The following CNTN1 variants were observed in gnomAD, a reference collection of about 807,000 sequenced individuals.
CNTN1 encodes the protein contactin-1.
In CNTN1, 38 loss-of-function variants were observed where a neutral mutation model predicts 126.4. That is an observed-to-expected ratio of 0.30 (90% CI 0.23 to 0.39). The LOEUF is 0.39. CNTN1 is among the 10% of genes least tolerant of loss of function. CNTN1 has a pLI of 1.00. For synonymous variants in CNTN1, 413 were observed against 422.6 expected (o/e 0.98, Z 0.28); for missense variants, 1,009 against 1,248.4 (o/e 0.81, Z 2.89).
At chr12:41,016,960 C>T (rs764651320) in intron 19 of CNTN1, 44 bp downstream of exon 19, 15 of 1,498,128 alleles carry the variant, frequency 1.0e-5, no homozygotes, top group African/African-American at 2.8e-5. Flanking sequence ...GGAGGAAAAA[C>T]GTATTTCTCT....
intron 15 of CNTN1, among the ~76,000 whole-genome samples, chr12:40,961,346 A>C (rs1420185198): frequency 6.6e-6 from 1 of 152,000 alleles, no homozygotes; most frequent in Non-Finnish European, 1.5e-5. Context: ...ACTATTGCAG[A>C]ACTTGTGTCA....
chr12:40,951,513 A>G (rs1218336624), intron 14 of CNTN1, among the ~76,000 whole-genome samples: 1 of 151,920 alleles, frequency 6.6e-6, no homozygotes, highest in Non-Finnish European at 1.5e-5. Flanking sequence ...ACATTAGAGA[A>G]TTACTGTTAA....
intron 1 of CNTN1, among the ~76,000 whole-genome samples, chr12:40,839,164 A>T (rs1213833190): frequency 1.3e-5 from 2 of 152,232 alleles, no homozygotes; most frequent in Non-Finnish European, 2.9e-5. Context: ...TGGAAGCTAG[A>T]TCAGGCAGAA....
At chr12:40,979,485 G>GTAT (rs567234838) in intron 15 of CNTN1, among the ~76,000 whole-genome samples, 180 of 152,076 alleles carry the variant, frequency 1.2e-3, no homozygotes, top group African/African-American at 3.9e-3. Flanking sequence ...GTCCTCTTTA[G>GTAT]TATTACATTA....
chr12:41,013,499 G>C (rs1385264069), intron 17 of CNTN1, among the ~76,000 whole-genome samples: 1 of 151,704 alleles, frequency 6.6e-6, no homozygotes, highest in African/African-American at 2.4e-5. Context: ...TGGATATATT[G>C]TGGGTTGTTA....
At chr12:40,924,374 T>A (rs1246550068) in intron 5 of CNTN1, among the ~76,000 whole-genome samples, 183 bp from the exon 6 acceptor site, 1 of 152,144 alleles carries the variant, frequency 6.6e-6, no homozygotes, top group Non-Finnish European at 1.5e-5. Context: ...ACAGAACTTT[T>A]TAATAGTCTA....
intron 1 of CNTN1, among the ~76,000 whole-genome samples, chr12:40,885,963 C>A (rs1023979606): frequency 6.6e-6 from 1 of 152,012 alleles, no homozygotes; most frequent in Non-Finnish European, 1.5e-5. Context: ...GTTAATACTG[C>A]AGGCTGAGGC....
chr12:40,787,221 T>C (rs1940057173), intron 1 of CNTN1, among the ~76,000 whole-genome samples: 1 of 152,176 alleles, frequency 6.6e-6, no homozygotes, highest in South Asian at 2.1e-4. Flanking sequence ...ATAACTTTTA[T>C]CTTATATAAT....
At chr12:40,970,433 G>A (rs1024276118) in intron 15 of CNTN1, among the ~76,000 whole-genome samples, 3 of 151,522 alleles carry the variant, frequency 2.0e-5, no homozygotes, top group Non-Finnish European at 2.9e-5. Context: ...ACTATTTACC[G>A]TAAGGACTGA....
At chr12:41,019,791 A>G (rs1948866522) in intron 19 of CNTN1, among the ~76,000 whole-genome samples, 2 of 152,176 alleles carry the variant, frequency 1.3e-5, no homozygotes, top group Non-Finnish European at 2.9e-5. Context: ...TAGCTTGAAC[A>G]TAAAAAGGGA....
At chr12:40,862,061 G>GAA (rs63714262) in intron 1 of CNTN1, among the ~76,000 whole-genome samples, 103 of 147,674 alleles carry the variant, frequency 7.0e-4, no homozygotes, top group East Asian at 1.8e-3. Context: ...CAAAAATAAA[G>GAA]AAAAAAAAAA....
rs77227567 is a variant in CNTN1, at chr12:41,032,535, A to C, written c.2980+3316A>C. Among the ~76,000 whole-genome samples, 1,294 of 152,160 alleles carry C rather than the reference A, an allele frequency of 8.5e-3. 18 individuals are homozygous for C. The highest frequency in any genetic ancestry group is 0.026 in the African/African-American group (1,078 of 41,520). The stretch of plus-strand genomic sequence containing the variant: ...TGACATTTCTCTTCTTGAACACACC[A>C]GTGTTATCCCTGCCTTGAGGCATCT... On this transcript the variant is annotated intron_variant, in intron 23 of 23. Coordinates refer to ENST00000551295, the MANE Select transcript of CNTN1 (RefSeq NM_001843.4).
At chr12:40,794,526 GAT>G (rs1489913920) in intron 1 of CNTN1, among the ~76,000 whole-genome samples, 2 of 151,616 alleles carry the variant, frequency 1.3e-5, no homozygotes, top group Non-Finnish European at 2.9e-5. Flanking sequence ...ATGTTCACCT[GAT>G]ATTTTACCTA....
chr12:40,909,558 A>T (rs189954045), intron 2 of CNTN1, among the ~76,000 whole-genome samples: 102 of 151,954 alleles, frequency 6.7e-4, no homozygotes, highest in South Asian at 6.0e-3. Flanking sequence ...GGGCATCATT[A>T]TTAAGAACAT....
intron 15 of CNTN1, among the ~76,000 whole-genome samples, chr12:40,962,994 GATAA>G (rs1450626880): frequency 2.6e-5 from 4 of 152,050 alleles, no homozygotes; most frequent in Non-Finnish European, 4.4e-5. Flanking sequence ...CGAAGATGAA[GATAA>G]ATAAATAAAC....
At chr12:40,724,072 G>A (rs952391100) in intron 1 of CNTN1, among the ~76,000 whole-genome samples, 1 of 151,936 alleles carries the variant, frequency 6.6e-6, no homozygotes, top group Admixed American at 6.6e-5. Context: ...GTATGTTGAG[G>A]CTGGATTCAT....
chr12:40,888,404 G>A lies in CNTN1; in HGVS notation c.-76-19953G>A, dbSNP rs116381180. On this transcript the variant is annotated intron_variant, in intron 1 of 23. Transcript: ENST00000551295. ...TCATAGAGAAATGTTAAAATATGTC[G>A]AAAATAAAAAGACTTTAGGTACATT... Among the ~76,000 whole-genome samples the A allele has an allele frequency of 1.1e-4, 16 of 151,930 alleles. No homozygotes were observed. The South Asian group carries it at 1.7e-3, about 16-fold the overall frequency.
chr12:40,926,107 G>T (rs1368542260), intron 6 of CNTN1, among the ~76,000 whole-genome samples: 3 of 150,570 alleles, frequency 2.0e-5, no homozygotes, highest in Non-Finnish European at 4.4e-5. Flanking sequence ...TCTTCCACGG[G>T]GAGAGTCAGA....
At chr12:40,860,543 C>T (rs925390039) in intron 1 of CNTN1, among the ~76,000 whole-genome samples, 5 of 150,146 alleles carry the variant, frequency 3.3e-5, no homozygotes, top group Admixed American at 3.3e-4. Flanking sequence ...GCTCCCACGA[C>T]ATCTTACACA....
Sources: gnomAD v4.1 joint callset for allele counts (sites outside exome capture counted in the v4.1 genomes callset) on GRCh38, gnomAD v4.1.1 for gene constraint, MANE v1.5 for transcripts, NCBI Gene and HGNC (gene_info 2026-07-23, HGNC 2026-07-21) for gene names.